The following SPRY3 variants were observed in gnomAD, a reference collection of about 807,000 sequenced individuals.
The protein encoded by SPRY3 is protein sprouty homolog 3.
In SPRY3, 15 loss-of-function variants were observed where a neutral mutation model predicts 20.2. That is an observed-to-expected ratio of 0.74 (90% CI 0.50 to 1.14). The LOEUF (loss-of-function observed/expected upper bound fraction) is 1.14, where lower values mean the gene tolerates loss of function less well. Among genes scored for constraint, SPRY3 ranks in the 50% most tolerant of loss-of-function variants. The pLI, the probability that SPRY3 is intolerant of heterozygous loss-of-function variation, is 0.00. For synonymous variants in SPRY3, 143 were observed against 136.5 expected (o/e 1.05, Z -0.33); for missense variants, 364 against 363.9 (o/e 1.00, Z 0.00).
At chrX:155,732,218 T>C (rs978658447) in intron 2 of SPRY3, among the ~76,000 whole-genome samples, 8 of 152,074 alleles carry the variant, frequency 5.3e-5, no homozygotes, top group Non-Finnish European at 1.0e-4. Context: ...TTATATTTTA[T>C]TTTTACATTG....
intron 2 of SPRY3, among the ~76,000 whole-genome samples, chrX:155,721,290 C>G (rs1275501043): frequency 1.3e-5 from 2 of 151,956 alleles, no homozygotes; most frequent in Non-Finnish European, 2.9e-5. Flanking sequence ...ATGAAGCATA[C>G]TTACAGGATC....
intron 2 of SPRY3, among the ~76,000 whole-genome samples, chrX:155,767,236 G>T (rs2091337721): frequency 6.6e-6 from 1 of 151,520 alleles, no homozygotes. Context: ...GGGGAGGGGG[G>T]AGAGAAAGAA....
rs772478956 is a variant in SPRY3, at chrX:155,782,327, G to A, written c.*7589G>A. 3 of 166,864 alleles carry A rather than the reference G, an allele frequency of 1.8e-5. No individual in the cohort carries two copies. The Admixed American group carries it at 2.0e-4, about 11-fold the overall frequency. 10.3% of individuals were successfully genotyped at this position (166,864 alleles called of 1,614,324 possible). On this transcript the variant is annotated 3_prime_UTR_variant, in exon 2 of 2. Transcript: ENST00000302805. ...CTTGAACTCCAGCGCCCCAGAACAG[G>A]ATATCCATATCCAATCCCATCGTAT...
chrX:155,709,420 T>C (rs971558899), intron 2 of SPRY3, among the ~76,000 whole-genome samples: 2 of 151,896 alleles, frequency 1.3e-5, no homozygotes, highest in African/African-American at 2.4e-5. Context: ...TGAGCAATGA[T>C]GCTGAGCCCT....
intron 3 of SPRY3, among the ~76,000 whole-genome samples, chrX:155,773,092 A>G (rs1192714017): frequency 2.0e-5 from 3 of 151,868 alleles, no homozygotes; most frequent in Non-Finnish European, 4.4e-5. Context: ...GAGAACTGCA[A>G]GATGATTAGT....
At chrX:155,777,516 GC>G (rs1305078555), downstream of SPRY3, 5 of 165,854 alleles carry the variant, frequency 3.0e-5, no homozygotes, top group Admixed American at 1.3e-4. Flanking sequence ...TTGAGTCAGG[GC>G]TTTCACTTGT....
intron 2 of SPRY3, among the ~76,000 whole-genome samples, chrX:155,687,638 G>A (rs768787384): frequency 8.9e-6 from 1 of 112,112 alleles, no homozygotes; most frequent in Non-Finnish European, 1.9e-5. Context: ...TAGCAGGGTA[G>A]TTGCCAGTAA....
intron 1 of SPRY3, among the ~76,000 whole-genome samples, chrX:155,628,105 CT>C (rs1281584994): frequency 1.8e-5 from 2 of 111,852 alleles, no homozygotes; most frequent in African/African-American, 6.5e-5. Flanking sequence ...GTGAATAGTG[CT>C]GCACTGAACA....
downstream of SPRY3, chrX:155,776,961 A>G (rs5940574): frequency 0.097 from 16,265 of 167,058 alleles, 1,121 homozygotes; most frequent in Middle Eastern, 0.25. Context: ...AATGTTAATG[A>G]TATTGCTGCA....
At chrX:155,751,928 TAA>T (rs1337396335) in intron 2 of SPRY3, among the ~76,000 whole-genome samples, 1 of 21,982 alleles carries the variant, frequency 4.5e-5, no homozygotes, top group Non-Finnish European at 6.7e-5. Context: ...GGAAGGGAAA[TAA>T]AATAAAATAA....
At chrX:155,752,077 A>G (rs1308395408) in intron 2 of SPRY3, among the ~76,000 whole-genome samples, 1 of 151,700 alleles carries the variant, frequency 6.6e-6, no homozygotes, top group Non-Finnish European at 1.5e-5. Flanking sequence ...TCAGATTGAA[A>G]GAGCCCACCA....
At position 155,768,139 on chromosome X, in the gene SPRY3, A is replaced by G. The variant is rs2091355205; in HGVS notation, c.-107+3A>G. The G allele has an allele frequency of 6.6e-6, 1 of 152,072 alleles. No homozygotes were observed. The highest frequency in any genetic ancestry group is 2.4e-5 in the African/African-American group (1 of 41,412). The allele number at this position is 152,072 out of a possible 1,614,324, so 9.4% of individuals were successfully genotyped here. ...CATGGATAAACCATTTCCTCAAGGT[A>G]AGCCATAGAAATTAGCTCTTTAAAA... On this transcript the variant is annotated splice_donor_region_variant and intron_variant, in intron 3 of 3. Coordinates refer to ENST00000675360, the Ensembl canonical transcript of SPRY3.
At position 155,760,292 on chromosome X, in the gene SPRY3, A is replaced by T. The variant is rs114379789; in HGVS notation, c.-281-7670A>T. ...TGAGGCTCAGAGGCTTAAGTAAGTT[A>T]ACCAAGTATCACAAAACTAATTTAT... On this transcript the variant is annotated intron_variant, in intron 2 of 3. Transcript: ENST00000675360. Among the ~76,000 whole-genome samples, 811 of 152,330 alleles carry T rather than the reference A, an allele frequency of 5.3e-3. 6 individuals carry two copies. The highest frequency in any genetic ancestry group is 0.018 in the African/African-American group (758 of 41,576).
intron 2 of SPRY3, among the ~76,000 whole-genome samples, chrX:155,715,382 G>C (rs1416685608): frequency 6.6e-6 from 1 of 152,128 alleles, no homozygotes; most frequent in Non-Finnish European, 1.5e-5. Flanking sequence ...GGGAGGTAGG[G>C]CCTGGAATGG....
At chrX:155,723,484 G>A (rs779592026) in intron 2 of SPRY3, among the ~76,000 whole-genome samples, 41 of 152,106 alleles carry the variant, frequency 2.7e-4, no homozygotes, top group African/African-American at 8.9e-4. Context: ...TCTAACTGGC[G>A]TGAGATGGTA....
chrX:155,767,550 C>T (rs895085697), intron 2 of SPRY3, among the ~76,000 whole-genome samples: 2 of 130,666 alleles, frequency 1.5e-5, no homozygotes. Flanking sequence ...GAGGCGGAGG[C>T]GAAAGAGGAG....
chrX:155,715,351 G>T (rs1012023572), intron 2 of SPRY3, among the ~76,000 whole-genome samples: 4 of 152,146 alleles, frequency 2.6e-5, no homozygotes, highest in African/African-American at 9.7e-5. Context: ...TTGGCTCAGG[G>T]TGTGTCTAGA....
chrX:155,679,906 A>C, intron 2 of SPRY3, among the ~76,000 whole-genome samples: 1 of 110,677 alleles, frequency 9.0e-6, no homozygotes, highest in East Asian at 2.9e-4. Context: ...GGGAGCAGGA[A>C]GACATTCAAG....
intron 2 of SPRY3, among the ~76,000 whole-genome samples, chrX:155,730,447 T>G (rs887662579): frequency 6.6e-6 from 1 of 152,250 alleles, no homozygotes; most frequent in East Asian, 1.9e-4. Flanking sequence ...ATGTGATCAT[T>G]TCAATAGATG....
Sources: allele counts gnomAD v4.1 joint callset (sites outside exome capture counted in the v4.1 genomes callset), GRCh38; gene constraint gnomAD v4.1.1; transcripts MANE v1.5; gene names NCBI Gene and HGNC (gene_info 2026-07-23, HGNC 2026-07-21).